Variants in SIN3B observed in about 807,000 individuals in gnomAD.
SIN3B encodes the protein paired amphipathic helix protein Sin3b.
A neutral mutation model predicts 120.2 loss-of-function variants in SIN3B; 19 were observed. The observed-to-expected ratio is 0.16, with a 90% CI of 0.11 to 0.23. SIN3B has a LOEUF of 0.23. Among genes scored for constraint, SIN3B ranks in the 10% least tolerant of loss-of-function variants. SIN3B has a pLI of 1.00. For synonymous variants in SIN3B, 654 were observed against 653.2 expected (o/e 1.00, Z -0.02); for missense variants, 1,073 against 1,573.0 (o/e 0.68, Z 5.38).
At position 16,861,741 on chromosome 19, in the gene SIN3B, C is replaced by T. The variant is rs370744296; in HGVS notation, c.1059-611C>T. Among the ~76,000 whole-genome samples the T allele has an allele frequency of 6.4e-5, 9 of 140,874 alleles. No individual in the cohort carries two copies. In the South Asian group the frequency reaches 1.1e-3, roughly 17 times the overall value. 92.4% of individuals were successfully genotyped at this position (140,874 alleles called of 152,430 possible). Reference sequence around the variant, plus strand: ...TTGTGCCATTGCACCCCAGCCTGGGCGACAAGAGTGAAACTCTGTCTCAAA... The same window carrying T: ...TTGTGCCATTGCACCCCAGCCTGGGTGACAAGAGTGAAACTCTGTCTCAAA... On this transcript the variant is annotated intron_variant, in intron 8 of 18. Transcript: ENST00000248054.
At chr19:16,836,324 G>A (rs532203314) in intron 3 of SIN3B, among the ~76,000 whole-genome samples, 68 of 152,234 alleles carry the variant, frequency 4.5e-4, no homozygotes, top group Non-Finnish European at 8.2e-4. Context: ...GCCGTGGTGT[G>A]TGGCCAGTGA....
At chr19:16,860,463 A>C (rs921509848) in intron 8 of SIN3B, among the ~76,000 whole-genome samples, 2 of 151,818 alleles carry the variant, frequency 1.3e-5, no homozygotes, top group African/African-American at 4.8e-5. Flanking sequence ...CCTTGTGAGC[A>C]GGGTTGGCAT....
chr19:16,850,030 T>G (rs1971525430), intron 5 of SIN3B, among the ~76,000 whole-genome samples: 1 of 151,120 alleles, frequency 6.6e-6, no homozygotes, highest in South Asian at 2.1e-4. Flanking sequence ...GCTCTCGAAA[T>G]AGCCTTGAAT....
intron 14 of SIN3B, among the ~76,000 whole-genome samples, chr19:16,874,843 TTGGTC>T (rs1199584019): frequency 9.2e-5 from 14 of 151,666 alleles, no homozygotes; most frequent in African/African-American, 3.4e-4. Context: ...CTGATTTGAT[TTGGTC>T]TGGTTTGGTT....
chr19:16,850,069 C>A (rs987774851), intron 5 of SIN3B, among the ~76,000 whole-genome samples: 1 of 151,624 alleles, frequency 6.6e-6, no homozygotes, highest in African/African-American at 2.4e-5. Context: ...CCAAATAATT[C>A]CCCCCAAAAC....
intron 3 of SIN3B, among the ~76,000 whole-genome samples, chr19:16,836,105 G>A (rs925648246): frequency 1.3e-5 from 2 of 152,232 alleles, no homozygotes; most frequent in Non-Finnish European, 2.9e-5. Flanking sequence ...CTTTGGCGCA[G>A]GGTGTCTTCA....
chr19:16,863,793 C>T lies in SIN3B; in HGVS notation c.1380C>T (p.Phe460=), dbSNP rs140663662. 214 of 1,612,198 alleles carry T rather than the reference C, an allele frequency of 1.3e-4. No homozygotes were observed. The highest frequency in any genetic ancestry group is 1.7e-4 in the Non-Finnish European group (201 of 1,178,670). ...EQLHRCEDER[F]ELDVVLETNL... ...TTCACCGCTGTGAGGACGAGCGCTT[C>T]GAGGTGTGTGTGCTGCTGTGGCCGG... The change falls in exon 10 of 19, where the codon TTC becomes TTT. Residue 460 remains phenylalanine, a synonymous_variant. Transcript: ENST00000248054.
chr19:16,871,511 T>C lies in SIN3B; in HGVS notation c.2592+113T>C, dbSNP rs545891881. On this transcript the variant is annotated intron_variant, in intron 14 of 18. Coordinates refer to ENST00000248054, the MANE Select transcript of SIN3B (RefSeq NM_001297595.2). ...GTCAGCACAGCAAACCTATCCTGTT[T>C]TTTCTTAATTGAGACAAAATTCGCA... The C allele has an allele frequency of 3.0e-6, 3 of 991,458 alleles. No homozygotes were observed. The South Asian group carries it at 5.1e-5, about 17-fold the overall frequency. 61.4% of individuals were successfully genotyped at this position (991,458 alleles called of 1,614,324 possible). A position where few individuals can be genotyped will look rare whatever the true frequency, so the allele number is the denominator to read the frequency against.
intron 10 of SIN3B, 99 bp from the exon 11 acceptor site, chr19:16,865,311 C>T (rs1053891490): frequency 9.0e-6 from 5 of 554,284 alleles, no homozygotes; most frequent in South Asian, 1.7e-5. Flanking sequence ...CACACACCCC[C>T]CCCCCAAAAA....
intron 10 of SIN3B, among the ~76,000 whole-genome samples, chr19:16,864,376 G>A (rs1046685430): frequency 6.6e-6 from 1 of 152,034 alleles, no homozygotes; most frequent in African/African-American, 2.4e-5. Context: ...TTCCCAGGCT[G>A]GAAGTGCAGT....
At position 16,870,589 on chromosome 19, in the gene SIN3B, A is replaced by G. The variant is rs537507790; in HGVS notation, c.2422+514A>G. On this transcript the variant is annotated intron_variant, in intron 13 of 18. Transcript: ENST00000248054. ...CTTTTTTGAAATGGAGTCTTGCTCT[A>G]TTGCCCAGCCTGGAGCACAGTGGCA... Among the ~76,000 whole-genome samples, 25 of 150,632 alleles carry G rather than the reference A, an allele frequency of 1.7e-4. No homozygotes were observed. The South Asian group carries it at 3.4e-3, about 20-fold the overall frequency.
At chr19:16,850,664 C>T (rs1001061017) in intron 5 of SIN3B, among the ~76,000 whole-genome samples, 6 of 152,184 alleles carry the variant, frequency 3.9e-5, no homozygotes, top group Non-Finnish European at 8.8e-5. Flanking sequence ...TGGCACAGAA[C>T]GTTGTAGGGC....
At chr19:16,853,284 C>T (rs563492540) in intron 7 of SIN3B, 126 bp downstream of exon 7, 197 of 816,952 alleles carry the variant, frequency 2.4e-4, no homozygotes, top group Middle Eastern at 2.1e-3. Context: ...AGGATGGATC[C>T]GGCGGGGCTG....
chr19:16,832,287 T>C (rs1296039514), intron 3 of SIN3B, among the ~76,000 whole-genome samples: 2 of 144,124 alleles, frequency 1.4e-5, no homozygotes, highest in Non-Finnish European at 3.0e-5. Flanking sequence ...AACCTCCGCC[T>C]CCCAGGTTCA....
At chr19:16,842,099 T>C in intron 4 of SIN3B, 131 bp downstream of exon 4, 2 of 865,944 alleles carry the variant, frequency 2.3e-6, no homozygotes, top group Non-Finnish European at 3.6e-6. Flanking sequence ...GGTTTTTTGT[T>C]TGTTTTTTCT....
intron 3 of SIN3B, 111 bp from the exon 4 acceptor site, chr19:16,841,657 G>A: frequency 1.0e-6 from 1 of 999,048 alleles, no homozygotes; most frequent in Admixed American, 1.9e-5. Flanking sequence ...AATACAGCTT[G>A]GCTCCGTGCT....
At position 16,878,754 on chromosome 19, in the gene SIN3B, G is replaced by A. The variant is rs373822790; in HGVS notation, c.*27G>A. On this transcript the variant is annotated 3_prime_UTR_variant, in exon 19 of 19. Coordinates refer to ENST00000248054, the MANE Select transcript of SIN3B (RefSeq NM_001297595.2). Reference sequence around the variant, plus strand: ...CCGCCCTCATGGGCACCGGGCAGGCGCCTCACAGAGCACAGACGTGCCCTC... The same window carrying A: ...CCGCCCTCATGGGCACCGGGCAGGCACCTCACAGAGCACAGACGTGCCCTC... 2.2e-5 allele frequency: 35 copies of A among 1,556,968 alleles called. No individual in the cohort carries two copies. The highest frequency in any genetic ancestry group is 2.0e-4 in the Admixed American group (11 of 54,154).
Position 16,866,462 on chromosome 19 carries a change from C to T in SIN3B, c.1712C>T (p.Ser571Phe). Residue 571 changes from serine to phenylalanine, a missense_variant, in exon 12 of 19, where the codon TCC becomes TTC. This residue lies in a region of SIN3B where 118 missense variants were observed against 281.6 expected (regional missense o/e 0.42). Transcript: ENST00000248054. The part of the protein sequence containing the change: ...REQYEKAYLK[S>F]LDHQAVNFKQ... ...CAGTATGAGAAGGCGTACCTCAAGT[C>T]CCTTGACCACCAGGCTGTGAACTTC... The T allele has an allele frequency of 1.2e-6, 2 of 1,613,874 alleles. No individual in the cohort carries two copies. Among genetic ancestry groups the T allele is most frequent in the Non-Finnish European group, 1.7e-6 (2 of 1,179,978 alleles).
At chr19:16,846,661 TG>T (rs1340568540) in intron 4 of SIN3B, among the ~76,000 whole-genome samples, 11 of 152,228 alleles carry the variant, frequency 7.2e-5, no homozygotes, top group Admixed American at 2.6e-4. Context: ...TGGGAAGGCC[TG>T]GGGTTCGCCC....
Sources: allele counts gnomAD v4.1 joint callset (sites outside exome capture counted in the v4.1 genomes callset), GRCh38; gene constraint gnomAD v4.1.1; regional missense constraint gnomAD v4.1.1; transcripts MANE v1.5; gene names NCBI Gene and HGNC (gene_info 2026-07-23, HGNC 2026-07-21).